Variants in RBMS3 observed in about 807,000 individuals in gnomAD.
RBMS3 encodes RNA binding motif single stranded interacting protein 3.
Under a neutral mutation model 66.8 loss-of-function variants are expected in RBMS3, and 27 were observed. The observed-to-expected ratio is 0.40, with a 90% confidence interval of 0.30 to 0.56. RBMS3 has a LOEUF of 0.56. RBMS3 is among the 20% of genes least tolerant of loss of function. The pLI, the probability that RBMS3 is intolerant of heterozygous loss-of-function variation, is 0.40. For missense variants in RBMS3, 513 were observed against 549.5 expected, an observed-to-expected ratio of 0.93 and a Z score of 0.66; for synonymous variants, 188 against 183.0, an observed-to-expected ratio of 1.03 and a Z score of -0.22.
At chr3:29,785,226 C>T (rs1396047964) in intron 6 of RBMS3, among the ~76,000 whole-genome samples, 1 of 151,974 alleles carries the variant, frequency 6.6e-6, no homozygotes, top group African/African-American at 2.4e-5. Flanking sequence ...AAGAAAACTA[C>T]AGACCAGTAT....
At chr3:29,380,428 A>C (rs186441196) in intron 1 of RBMS3, among the ~76,000 whole-genome samples, 1 of 152,276 alleles carries the variant, frequency 6.6e-6, no homozygotes, top group Admixed American at 6.5e-5. Flanking sequence ...CAGCCATGTA[A>C]GTTAAAGTGG....
At chr3:29,756,387 G>A (rs995221414) in intron 5 of RBMS3, among the ~76,000 whole-genome samples, 6 of 152,126 alleles carry the variant, frequency 3.9e-5, no homozygotes, top group Admixed American at 6.6e-5. Flanking sequence ...AAGAAAAAGA[G>A]GTTTCATGGA....
At chr3:29,784,656 G>A (rs924935202) in intron 6 of RBMS3, among the ~76,000 whole-genome samples, 3 of 151,646 alleles carry the variant, frequency 2.0e-5, no homozygotes, top group East Asian at 1.9e-4. Flanking sequence ...TCAAACCCAC[G>A]CCCAACAGAA....
intron 7 of RBMS3, among the ~76,000 whole-genome samples, chr3:29,882,247 A>C (rs2059753864): frequency 6.6e-6 from 1 of 152,172 alleles, no homozygotes; most frequent in East Asian, 1.9e-4. Context: ...CAGAGCCTTC[A>C]TCCTGGGAAG....
intron 6 of RBMS3, among the ~76,000 whole-genome samples, chr3:29,780,201 A>T (rs1193784943): frequency 1.3e-5 from 2 of 151,974 alleles, no homozygotes; most frequent in Non-Finnish European, 2.9e-5. Context: ...AATAAACAGG[A>T]TGAGGGAACC....
chr3:29,861,515 G>C (rs1267075513), intron 6 of RBMS3, among the ~76,000 whole-genome samples: 1 of 152,186 alleles, frequency 6.6e-6, no homozygotes, highest in African/African-American at 2.4e-5. Flanking sequence ...GCTTCTGTAA[G>C]GAAAGCAGGA....
chr3:29,527,022 T>C (rs2045141622), intron 3 of RBMS3, among the ~76,000 whole-genome samples: 1 of 151,790 alleles, frequency 6.6e-6, no homozygotes. Flanking sequence ...ATTATATGTG[T>C]TGTAAAAAAG....
chr3:29,518,219 G>A (rs2044717351), intron 3 of RBMS3, among the ~76,000 whole-genome samples: 1 of 152,188 alleles, frequency 6.6e-6, no homozygotes, highest in Admixed American at 6.5e-5. Context: ...AACTGCAACT[G>A]TTTGTGGTTA....
chr3:29,494,103 G>A (rs372203702), intron 3 of RBMS3, among the ~76,000 whole-genome samples: 4 of 152,082 alleles, frequency 2.6e-5, no homozygotes, highest in Non-Finnish European at 2.9e-5. Flanking sequence ...GCTGTTACAC[G>A]TACAGCATAT....
intron 6 of RBMS3, among the ~76,000 whole-genome samples, chr3:29,847,249 T>G (rs764771987): frequency 3.3e-5 from 5 of 152,228 alleles, no homozygotes; most frequent in Non-Finnish European, 5.9e-5. Context: ...AGACATAATG[T>G]TGTACAAGAG....
At chr3:29,649,442 A>C (rs565126176) in intron 4 of RBMS3, among the ~76,000 whole-genome samples, 5 of 152,154 alleles carry the variant, frequency 3.3e-5, no homozygotes, top group Non-Finnish European at 7.3e-5. Flanking sequence ...ACTTTTTTTA[A>C]ATTTTTCACT....
At chr3:29,777,779 T>C (rs1292402363) in intron 6 of RBMS3, among the ~76,000 whole-genome samples, 1 of 151,906 alleles carries the variant, frequency 6.6e-6, no homozygotes, top group African/African-American at 2.4e-5. Flanking sequence ...TGTTGGTTGT[T>C]ACAATTCTAC....
chr3:29,459,716 G>T (rs111596245), intron 2 of RBMS3, among the ~76,000 whole-genome samples: 122 of 152,326 alleles, frequency 8.0e-4, no homozygotes, highest in African/African-American at 2.7e-3. Context: ...ACAAGAGTGT[G>T]CTAACTGCAA....
At chr3:29,686,436 C>T (rs1394322758) in intron 4 of RBMS3, among the ~76,000 whole-genome samples, 2 of 152,098 alleles carry the variant, frequency 1.3e-5, no homozygotes, top group East Asian at 1.9e-4. Flanking sequence ...GTAATTCCAA[C>T]ATTTTGGGGA....
intron 4 of RBMS3, among the ~76,000 whole-genome samples, chr3:29,587,513 A>C (rs1000881282): frequency 6.6e-6 from 1 of 151,654 alleles, no homozygotes; most frequent in African/African-American, 2.4e-5. Flanking sequence ...TTAGAGACTT[A>C]AGGACACTCG....
chr3:29,335,840 C>A (rs1049317956), intron 1 of RBMS3, among the ~76,000 whole-genome samples: 3 of 152,186 alleles, frequency 2.0e-5, no homozygotes, highest in African/African-American at 7.2e-5. Flanking sequence ...CCTTTTTCCT[C>A]CCTTCCTCTT....
chr3:29,853,208 C>A (rs1343470356), intron 6 of RBMS3, among the ~76,000 whole-genome samples: 1 of 152,018 alleles, frequency 6.6e-6, no homozygotes, highest in African/African-American at 2.4e-5. Context: ...CTAATGGCTA[C>A]TAGGCTTAAT....
chr3:29,745,719 C>G (rs1164170173), intron 5 of RBMS3, among the ~76,000 whole-genome samples: 2 of 152,156 alleles, frequency 1.3e-5, no homozygotes, highest in African/African-American at 4.8e-5. Flanking sequence ...GACCACTGAA[C>G]AGAGAGACCT....
intron 6 of RBMS3, among the ~76,000 whole-genome samples, chr3:29,773,245 C>T (rs1163367434): frequency 1.3e-5 from 2 of 151,850 alleles, no homozygotes; most frequent in African/African-American, 4.8e-5. Context: ...CTCTAAATGC[C>T]CTAAATCTTT....
Sources: gnomAD v4.1 joint callset for allele counts (sites outside exome capture counted in the v4.1 genomes callset) on GRCh38, gnomAD v4.1.1 for gene constraint, MANE v1.5 for transcripts, NCBI Gene and HGNC (gene_info 2026-07-23, HGNC 2026-07-21) for gene names.